The following MMD2 variants were observed in gnomAD, a reference collection of about 807,000 sequenced individuals.
MMD2 encodes the protein monocyte to macrophage differentiation associated 2.
MMD2 carries 30 observed loss-of-function variants against 33.5 expected under a neutral mutation model. The observed-to-expected ratio is 0.90, with a 90% CI of 0.67 to 1.22. MMD2 has a LOEUF of 1.22. Among genes scored for constraint, MMD2 ranks in the 50% most tolerant of loss-of-function variants. The probability of loss-of-function intolerance (pLI) is 0.00; values close to 1 mark genes in which losing one functional copy is unlikely to be tolerated. For missense variants in MMD2, 364 were observed against 325.4 expected (o/e 1.12, Z -0.91); for synonymous variants, 129 against 123.0 (o/e 1.05, Z -0.32).
chr7:4,927,442 G>A (rs1785462387), intron 1 of MMD2, among the ~76,000 whole-genome samples: 1 of 152,132 alleles, frequency 6.6e-6, no homozygotes, highest in Admixed American at 6.6e-5. Flanking sequence ...ATACTTGGGA[G>A]GCTGAGGCAG....
intron 1 of MMD2, among the ~76,000 whole-genome samples, chr7:4,939,294 C>T (rs954807652): frequency 6.6e-6 from 1 of 151,916 alleles, no homozygotes; most frequent in Non-Finnish European, 1.5e-5. Context: ...GCCTGTAATC[C>T]CAGCACTAGG....
At chr7:4,894,075 TCA>T in the MMD2 span, among the ~76,000 whole-genome samples, 3 of 152,122 alleles carry the variant, frequency 2.0e-5, no homozygotes, top group Non-Finnish European at 4.4e-5. The surrounding 1 kb of genome is among the most constrained non-coding windows in gnomAD (Gnocchi z 4.3). Context: ...CCAGTAGATC[TCA>T]GTCTTTTTTA....
intron 5 of MMD2, 133 bp from the exon 6 acceptor site, chr7:4,910,083 A>G: frequency 6.3e-7 from 1 of 1,588,848 alleles, no homozygotes; most frequent in Non-Finnish European, 8.6e-7. Flanking sequence ...TTCTCTGTCC[A>G]GCACGCCTTG....
At chr7:4,913,756 T>A (rs1361242448) in intron 4 of MMD2, among the ~76,000 whole-genome samples, 1 of 151,644 alleles carries the variant, frequency 6.6e-6, no homozygotes, top group African/African-American at 2.4e-5. Context: ...GTGGATTTTT[T>A]TTTCAAGCCA....
chr7:4,926,035 A>T (rs966300717), intron 1 of MMD2, among the ~76,000 whole-genome samples: 1 of 151,320 alleles, frequency 6.6e-6, no homozygotes, highest in African/African-American at 2.4e-5. Context: ...CAAACTCCTG[A>T]CCTCAGGTGA....
At chr7:4,937,641 T>C (rs891933335) in intron 1 of MMD2, among the ~76,000 whole-genome samples, 1 of 152,116 alleles carries the variant, frequency 6.6e-6, no homozygotes, top group Non-Finnish European at 1.5e-5. Flanking sequence ...GCCAAGTAAC[T>C]GGGACTGCAG....
intron 1 of MMD2, among the ~76,000 whole-genome samples, chr7:4,952,485 G>A (rs966521963): frequency 5.9e-5 from 9 of 152,200 alleles, no homozygotes; most frequent in South Asian, 4.1e-4. Context: ...TAGGCCGGGC[G>A]GCCACTGCCC....
At chr7:4,896,766 A>G in the MMD2 span, among the ~76,000 whole-genome samples, 1 of 151,406 alleles carries the variant, frequency 6.6e-6, no homozygotes, top group Admixed American at 6.6e-5. Context: ...TTTTCTAAAT[A>G]CCCCATTTTG....
At chr7:4,958,354 G>C (rs955216240) in intron 1 of MMD2, among the ~76,000 whole-genome samples, 5 of 152,154 alleles carry the variant, frequency 3.3e-5, no homozygotes, top group African/African-American at 1.2e-4. Context: ...CTTCTACTCA[G>C]ATATCACAAT....
At chr7:4,904,403 C>A (rs1470220570), downstream of MMD2, among the ~76,000 whole-genome samples, 1 of 152,182 alleles carries the variant, frequency 6.6e-6, no homozygotes, top group Non-Finnish European at 1.5e-5. Flanking sequence ...CTGGGAAAAT[C>A]ACTTCCAGAA....
intron 1 of MMD2, among the ~76,000 whole-genome samples, chr7:4,955,531 G>A (rs183593290): frequency 3.3e-5 from 5 of 152,182 alleles, no homozygotes; most frequent in African/African-American, 7.2e-5. Flanking sequence ...AAATTCAGAC[G>A]GGCTGTAAGT....
Position 4,907,392 on chromosome 7 carries a change from C to T in MMD2, c.*4G>A. 6.2e-7 allele frequency: 1 copy of T among 1,613,566 alleles called. No individual in the cohort carries two copies. The highest frequency in any genetic ancestry group is 8.5e-7 in the Non-Finnish European group (1 of 1,179,862). ...CCCAAACGACCTCTCAAGTCTGGGT[C>T]ACCTCATTTGGACACCTTGGTCTGC... On this transcript the variant is annotated 3_prime_UTR_variant, in exon 7 of 7. Coordinates refer to ENST00000401401, the MANE Select transcript of MMD2 (RefSeq NM_198403.4).
At position 4,906,610 on chromosome 7, in the gene MMD2, C is replaced by T. The variant is rs964550021; in HGVS notation, c.*786G>A. ...CTACTGAGAATCAACTACGGTGGAACAGAACATCAGGGGCTGCATGGGTGT... is the reference window on the plus strand; with the variant it reads ...CTACTGAGAATCAACTACGGTGGAATAGAACATCAGGGGCTGCATGGGTGT... On this transcript the variant is annotated 3_prime_UTR_variant, in exon 7 of 7. Coordinates refer to ENST00000401401, the MANE Select transcript of MMD2 (RefSeq NM_198403.4). 2.5e-6 allele frequency: 1 copy of T among 398,518 alleles called. No individual in the cohort carries two copies. Among genetic ancestry groups the T allele is most frequent in the Non-Finnish European group, 4.4e-6 (1 of 226,020 alleles). The allele number at this position is 398,518 out of a possible 1,614,324, so 24.7% of individuals were successfully genotyped here.
chr7:4,919,137 C>A (rs1785212462), intron 3 of MMD2, among the ~76,000 whole-genome samples: 1 of 151,858 alleles, frequency 6.6e-6, no homozygotes, highest in Non-Finnish European at 1.5e-5. Context: ...ATCAGGGATT[C>A]TAGTGCCTGC....
chr7:4,925,234 T>G (rs530330115), intron 2 of MMD2, among the ~76,000 whole-genome samples: 21 of 152,044 alleles, frequency 1.4e-4, no homozygotes, highest in Non-Finnish European at 2.5e-4. Context: ...CTCGGCCCCA[T>G]CGAAGGTTCT....
chr7:4,933,221 G>A (rs921144039), intron 1 of MMD2, among the ~76,000 whole-genome samples: 1 of 152,030 alleles, frequency 6.6e-6, no homozygotes, highest in Non-Finnish European at 1.5e-5. Flanking sequence ...AATTACCTGG[G>A]TGTGGTGGCA....
At chr7:4,951,753 C>T (rs1440517465) in intron 1 of MMD2, among the ~76,000 whole-genome samples, 1 of 152,068 alleles carries the variant, frequency 6.6e-6, no homozygotes, top group Non-Finnish European at 1.5e-5. Flanking sequence ...GCATGAGCCA[C>T]TACAACTGGC....
At chr7:4,951,889 C>A (rs1396589478) in intron 1 of MMD2, among the ~76,000 whole-genome samples, 1 of 152,178 alleles carries the variant, frequency 6.6e-6, no homozygotes, top group Non-Finnish European at 1.5e-5. Flanking sequence ...TACGTGCTAC[C>A]ATGCCCAGCT....
At chr7:4,912,729 G>A (rs761599500) in intron 4 of MMD2, among the ~76,000 whole-genome samples, 3 of 151,878 alleles carry the variant, frequency 2.0e-5, no homozygotes, top group Non-Finnish European at 4.4e-5. Flanking sequence ...TTTTTGATAT[G>A]GATTCTCGCT....
Sources: allele counts gnomAD v4.1 joint callset (sites outside exome capture counted in the v4.1 genomes callset), GRCh38; gene constraint gnomAD v4.1.1; non-coding constraint Gnocchi (gnomAD v3.1); transcripts MANE v1.5; gene names NCBI Gene and HGNC (gene_info 2026-07-23, HGNC 2026-07-21).